SCRT1: variants seen among roughly 807,000 people sequenced by gnomAD.
SCRT1 encodes the protein transcriptional repressor scratch 1.
In SCRT1, 1 loss-of-function variant was observed where a neutral mutation model predicts 3.4. The observed-to-expected ratio is 0.29, with a 90% confidence interval of 0.10 to 1.39. The LOEUF (loss-of-function observed/expected upper bound fraction) is 1.39. Ranked by LOEUF, SCRT1 falls within the 40% of genes most tolerant of loss-of-function variation. The pLI, the probability that SCRT1 is intolerant of heterozygous loss-of-function variation, is 0.42. For synonymous variants in SCRT1, 238 were observed against 247.0 expected, an observed-to-expected ratio of 0.96 and a Z score of 0.34; for missense variants, 380 against 526.3, an observed-to-expected ratio of 0.72 and a Z score of 2.72.
rs1473149076 is a variant in SCRT1, at chr8:144,333,023, G to A, written c.*162C>T. 5.0e-6 allele frequency: 3 copies of A among 605,770 alleles called. No homozygotes were observed. Among genetic ancestry groups the A allele is most frequent in the Middle Eastern group, 4.5e-4 (1 of 2,214 alleles). 37.5% of individuals were successfully genotyped at this position (605,770 alleles called of 1,614,324 possible). ...GGGACCCTATTGCTTGAAGGGGCCGGCAAGGCCCCTGGCGGGCGGGGCGGG... is the reference window on the plus strand; with the variant it reads ...GGGACCCTATTGCTTGAAGGGGCCGACAAGGCCCCTGGCGGGCGGGGCGGG... On this transcript the variant is annotated 3_prime_UTR_variant, in exon 2 of 2. Coordinates refer to ENST00000569446, the MANE Select transcript of SCRT1 (RefSeq NM_031309.6).
rs1554849947 is a variant in SCRT1, at chr8:144,333,772, CGCCCCCGCCTCCGGCGTCGCCGTCGGGG to C, written c.432_459del (p.Pro145GlyfsTer53). The stretch of plus-strand genomic sequence containing the variant: ...GATCCCAAGCTGCGCCCGCCCGCCC[CGCCCCCGCCTCCGGCGTCGCCGTCGGGG>C]GCCGCCGCCGAGGCTGTGGAGGGAG... On this transcript the variant is annotated frameshift_variant, in exon 2 of 2. Coordinates refer to ENST00000569446, the MANE Select transcript of SCRT1 (RefSeq NM_031309.6). LOFTEE classifies it low-confidence loss of function (END_TRUNC). 1 of 1,193,746 alleles carries C rather than the reference CGCCCCCGCCTCCGGCGTCGCCGTCGGGG, an allele frequency of 8.4e-7. No individual in the cohort carries two copies. The highest frequency in any genetic ancestry group is 1.0e-6 in the Non-Finnish European group (1 of 964,306). The allele number at this position is 1,193,746 out of a possible 1,614,324, so 73.9% of individuals were successfully genotyped here. A position where few individuals can be genotyped will look rare whatever the true frequency, so the allele number is the denominator to read the frequency against.
Position 144,333,795 on chromosome 8 carries a change from T to G in SCRT1, c.437A>C (p.Asp146Ala). The G allele has an allele frequency of 8.3e-7, 1 of 1,209,988 alleles. No homozygotes were observed. Among genetic ancestry groups the G allele is most frequent in the Non-Finnish European group, 1.0e-6 (1 of 974,724 alleles). 75.0% of individuals were successfully genotyped at this position (1,209,988 alleles called of 1,614,324 possible). A position where few individuals can be genotyped will look rare whatever the true frequency, so the allele number is the denominator to read the frequency against. The change falls in exon 2 of 2, where the codon GAC (aspartate) becomes GCC (alanine). Residue 146 changes from aspartate to alanine, a missense_variant. By Grantham distance (126) the Asp-to-Ala change is moderately radical (BLOSUM62 -2). Transcript: ENST00000569446. Reference protein sequence around the residue: ...APSTASAAAPDGDAGGGGGAG... With the variant: ...APSTASAAAPAGDAGGGGGAG... ...CCCGCCCCCGCCTCCGGCGTCGCCGTCGGGGGCCGCCGCCGAGGCTGTGGA... is the reference window on the plus strand; with the variant it reads ...CCCGCCCCCGCCTCCGGCGTCGCCGGCGGGGGCCGCCGCCGAGGCTGTGGA...
rs1483764674 is a variant in SCRT1, at chr8:144,336,236, G to A, written c.-67C>T. 28 of 1,206,136 alleles carry A rather than the reference G, an allele frequency of 2.3e-5. No homozygotes were observed. The highest frequency in any genetic ancestry group is 2.8e-5 in the Non-Finnish European group (24 of 865,710). 74.7% of individuals were successfully genotyped at this position (1,206,136 alleles called of 1,614,324 possible). A position where few individuals can be genotyped will look rare whatever the true frequency, so the allele number is the denominator to read the frequency against. On this transcript the variant is annotated 5_prime_UTR_variant, in exon 1 of 2. Coordinates refer to ENST00000569446, the MANE Select transcript of SCRT1 (RefSeq NM_031309.6). This position sits in a 1 kb window ranked among gnomAD's most constrained non-coding sequence, Gnocchi z 6.8. ...GGCTTGGGGGGGCTGCGGCGGCAGG[G>A]CCCCGTCACCATCCGAGGAGCGGCG...
chr8:144,332,963 G>A lies in SCRT1; in HGVS notation c.*222C>T. On this transcript the variant is annotated 3_prime_UTR_variant, in exon 2 of 2. Transcript: ENST00000569446. ...GGGAGAAAGCCGGGGGCACCCTGGA[G>A]GGGAGGGGAGGGGGCTCGGGGTGGG... The A allele has an allele frequency of 2.0e-6, 1 of 497,638 alleles. No individual in the cohort carries two copies. The highest frequency in any genetic ancestry group is 3.5e-6 in the Non-Finnish European group (1 of 284,644). 30.8% of individuals were successfully genotyped at this position (497,638 alleles called of 1,614,324 possible). A position where few individuals can be genotyped will look rare whatever the true frequency, so the allele number is the denominator to read the frequency against.
rs781937372 is a variant in SCRT1 at position 144,333,828 on chromosome 8, G to A, written c.404C>T (p.Ala135Val). 8.1e-7 allele frequency: 1 copy of A among 1,230,640 alleles called. No homozygotes were observed. The allele number at this position is 1,230,640 out of a possible 1,614,324, so 76.2% of individuals were successfully genotyped here. A position where few individuals can be genotyped will look rare whatever the true frequency, so the allele number is the denominator to read the frequency against. ...CGCCGCCGAGGCTGTGGAGGGAGCG[G>A]CGGCAGCGCCGGCATTGGAAGCCTT... Reference protein sequence around the residue: ...RRKASNAGAAAAPSTASAAAP... With the variant: ...RRKASNAGAAVAPSTASAAAP... Residue 135 changes from alanine to valine, a missense_variant, in exon 2 of 2, where the codon GCC becomes GTC. This residue lies in a region of SCRT1 where 115 missense variants were observed against 107.3 expected (regional missense o/e 1.07). Transcript: ENST00000569446.
Position 144,333,464 on chromosome 8 carries a change from G to C in SCRT1, c.768C>G (p.Ala256=), listed in dbSNP as rs782411739. 6 of 1,602,832 alleles carry C rather than the reference G, an allele frequency of 3.7e-6. No individual in the cohort carries two copies. The highest frequency in any genetic ancestry group is 1.3e-5 in the African/African-American group (1 of 74,820). The change falls in exon 2 of 2, where the codon GCC becomes GCG. Residue 256 remains alanine, a synonymous_variant. Coordinates refer to ENST00000569446, the MANE Select transcript of SCRT1 (RefSeq NM_031309.6). ...LRHKCGVCGK[A]FSRPWLLQGH... ...CCTGCAGCAGCCAGGGCCGCGAGAAGGCTTTGCCGCACACGCCGCACTTGT... is the reference window on the plus strand; with the variant it reads ...CCTGCAGCAGCCAGGGCCGCGAGAACGCTTTGCCGCACACGCCGCACTTGT...
chr8:144,334,948 T>C (rs1817864789), intron 1 of SCRT1, among the ~76,000 whole-genome samples: 1 of 152,142 alleles, frequency 6.6e-6, no homozygotes. Flanking sequence ...GCGTCCACTT[T>C]CACAGGGACG....
Position 144,330,755 on chromosome 8 carries a change from G to A in SCRT1, c.*2430C>T, listed in dbSNP as rs1420092619. 6.0e-5 allele frequency: 9 copies of A among 151,118 alleles called. No homozygotes were observed. Among genetic ancestry groups the A allele is most frequent in the Non-Finnish European group, 8.9e-5 (6 of 67,588 alleles). 9.4% of individuals were successfully genotyped at this position (151,118 alleles called of 1,614,324 possible). On this transcript the variant is annotated 3_prime_UTR_variant, in exon 2 of 2. Transcript: ENST00000569446. ...TTCCGGGTGGGAATATGTACAAGGC[G>A]GCGGGGCACAGGCGGGGGTGGGGGC...
Position 144,335,937 on chromosome 8 carries a change from G to A in SCRT1, c.115+118C>T, listed in dbSNP as rs1371070880. On this transcript the variant is annotated intron_variant, in intron 1 of 1. Transcript: ENST00000569446. This position sits in a 1 kb window ranked among gnomAD's most constrained non-coding sequence, Gnocchi z 7.7. ...CAGGCTCCAGCCACAGACTCTTGCC[G>A]TTTCTGGTTCCCTTCAGTCTGTTTC... 2 of 681,612 alleles carry A rather than the reference G, an allele frequency of 2.9e-6. No homozygotes were observed. Among genetic ancestry groups the A allele is most frequent in the African/African-American group, 1.9e-5 (1 of 52,892 alleles). The allele number at this position is 681,612 out of a possible 1,614,324, so 42.2% of individuals were successfully genotyped here.
At position 144,331,516 on chromosome 8, in the gene SCRT1, CT is replaced by C. The variant is rs200664171; in HGVS notation, c.*1668del. On this transcript the variant is annotated 3_prime_UTR_variant, in exon 2 of 2. Coordinates refer to ENST00000569446, the MANE Select transcript of SCRT1 (RefSeq NM_031309.6). ...TGGCCCACCCAAGCCGGTTGGACCCCTGTCCTGCAAACACACCTCCCAGCAG... is the reference window on the plus strand; with the variant it reads ...TGGCCCACCCAAGCCGGTTGGACCCCGTCCTGCAAACACACCTCCCAGCAG... 1,164 of 152,608 alleles carry C rather than the reference CT, an allele frequency of 7.6e-3. 5 individuals carry two copies. Among genetic ancestry groups the C allele is most frequent in the Non-Finnish European group, 0.013 (875 of 68,210 alleles). 9.5% of individuals were successfully genotyped at this position (152,608 alleles called of 1,614,324 possible). A position where few individuals can be genotyped will look rare whatever the true frequency, so the allele number is the denominator to read the frequency against.
In SCRT1 at chr8:144,333,725, G is replaced by A. The variant is rs1817837683; in HGVS notation, c.507C>T (p.Gly169=). Residue 169 remains glycine, a synonymous_variant, in exon 2 of 2, where the codon GGC becomes GGT. Transcript: ENST00000569446. ...SLGSGPGGRG[G]TRAGAGTEAR... Reference sequence around the variant, plus strand: ...CCTCGGTGCCTGCCCCCGCGCGCGTGCCGCCCCGGCCCCCCGGCCCGGATC... The same window carrying A: ...CCTCGGTGCCTGCCCCCGCGCGCGTACCGCCCCGGCCCCCCGGCCCGGATC... 2 of 1,095,634 alleles carry A rather than the reference G, an allele frequency of 1.8e-6. No homozygotes were observed. Among genetic ancestry groups the A allele is most frequent in the Middle Eastern group, 4.0e-4 (1 of 2,518 alleles). 67.9% of individuals were successfully genotyped at this position (1,095,634 alleles called of 1,614,324 possible).
In SCRT1 at chr8:144,335,951, T is replaced by C; in HGVS notation, c.115+104A>G. The C allele has an allele frequency of 7.9e-6, 6 of 760,758 alleles. No individual in the cohort carries two copies. The South Asian group carries it at 1.2e-4, about 15-fold the overall frequency. The allele number at this position is 760,758 out of a possible 1,614,324, so 47.1% of individuals were successfully genotyped here. Reference sequence around the variant, plus strand: ...AGACTCTTGCCGTTTCTGGTTCCCTTCAGTCTGTTTCCCCGGGCCCTGCCC... The same window carrying C: ...AGACTCTTGCCGTTTCTGGTTCCCTCCAGTCTGTTTCCCCGGGCCCTGCCC... On this transcript the variant is annotated intron_variant, in intron 1 of 1. Coordinates refer to ENST00000569446, the MANE Select transcript of SCRT1 (RefSeq NM_031309.6). The surrounding 1 kb of genome is among the most constrained non-coding windows in gnomAD (Gnocchi z 7.7).
At chr8:144,334,958 G>A (rs142673121) in intron 1 of SCRT1, among the ~76,000 whole-genome samples, 2,756 of 152,252 alleles carry the variant, frequency 0.018, 105 homozygotes, top group African/African-American at 0.063. Context: ...TCACAGGGAC[G>A]AGCTGCAGGA....
rs1564638714 is a variant in SCRT1 at position 144,334,091 on chromosome 8, G to A, written c.141C>T (p.Pro47=). 3.9e-6 allele frequency: 6 copies of A among 1,537,016 alleles called. No homozygotes were observed. The highest frequency in any genetic ancestry group is 5.2e-6 in the Non-Finnish European group (6 of 1,144,398). ...DKGYLSDYVG[P]SSVYDGDAEA... ...CGGCGTCGCCATCGTAGACGGACGA[G>A]GGCCCCACGTAGTCGCTGAGGTACC... Residue 47 remains proline, a synonymous_variant, in exon 2 of 2, where the codon CCC becomes CCT. Coordinates refer to ENST00000569446, the MANE Select transcript of SCRT1 (RefSeq NM_031309.6).
At position 144,332,784 on chromosome 8, in the gene SCRT1, T is replaced by G; in HGVS notation, c.*401A>C. The G allele has an allele frequency of 6.0e-6, 1 of 166,004 alleles. No homozygotes were observed. The highest frequency in any genetic ancestry group is 1.3e-5 in the Non-Finnish European group (1 of 77,420). 10.3% of individuals were successfully genotyped at this position (166,004 alleles called of 1,614,324 possible). On this transcript the variant is annotated 3_prime_UTR_variant, in exon 2 of 2. Transcript: ENST00000569446. ...GGCCGCAGGCCCTGCGCTAGAAGGC[T>G]TGGGAAGGGGTGGGGAAGACCTGAG...
rs1255100011 is a variant in SCRT1 at position 144,334,010 on chromosome 8, A to C, written c.222T>G (p.Arg74=). ...CTGCAGCCGCCGGACCCAGCTCTCC[A>C]CGCACAGCTGCTGCGTACATGGGCT... is the stretch of plus-strand genomic sequence containing the variant. ...SPEPMYAAAV[R]GELGPAAAGS... The change falls in exon 2 of 2, where the codon CGT becomes CGG. Residue 74 remains arginine (R), a synonymous_variant. Transcript: ENST00000569446. 4.0e-6 allele frequency: 6 copies of C among 1,485,360 alleles called. No homozygotes were observed. In the African/African-American group the frequency reaches 8.7e-5, roughly 22 times the overall value. The allele number at this position is 1,485,360 out of a possible 1,614,324, so 92.0% of individuals were successfully genotyped here.
Position 144,333,087 on chromosome 8 carries a change from G to A in SCRT1, c.*98C>T. ...CCCCTCCCCCTATTGCTGTGAGGAG[G>A]GGCCCGCCCTCCGGCCCCTCCACCC... On this transcript the variant is annotated 3_prime_UTR_variant, in exon 2 of 2. Transcript: ENST00000569446. 9.2e-7 allele frequency: 1 copy of A among 1,083,190 alleles called. No individual in the cohort carries two copies. Among genetic ancestry groups the A allele is most frequent in the Non-Finnish European group, 1.3e-6 (1 of 783,850 alleles). 67.1% of individuals were successfully genotyped at this position (1,083,190 alleles called of 1,614,324 possible). A position where few individuals can be genotyped will look rare whatever the true frequency, so the allele number is the denominator to read the frequency against.
Position 144,333,244 on chromosome 8 carries a change from C to G in SCRT1, c.988G>C (p.Gly330Arg), listed in dbSNP as rs1007631422. Residue 330 changes from glycine to arginine, a missense_variant, in exon 2 of 2, where the codon GGC becomes CGC. By Grantham distance (125) the Gly-to-Arg change is moderately radical. This residue lies in a region of SCRT1 where 67 missense variants were observed against 64.7 expected (regional missense o/e 1.04). Coordinates refer to ENST00000569446, the MANE Select transcript of SCRT1 (RefSeq NM_031309.6). ...GGAGCCGCGGGGCCTCCGGCGCCGCCCTTGAAGCAGGCCGACTCGTAGTGC... is the reference window on the plus strand; with the variant it reads ...GGAGCCGCGGGGCCTCCGGCGCCGCGCTTGAAGCAGGCCGACTCGTAGTGC... ...NKHYESACFKGGAGGPAAPAP... is the reference protein window; with the variant it reads ...NKHYESACFKRGAGGPAAPAP... 1 of 1,607,168 alleles carries G rather than the reference C, an allele frequency of 6.2e-7. No homozygotes were observed. Among genetic ancestry groups the G allele is most frequent in the African/African-American group, 1.3e-5 (1 of 74,892 alleles).
At position 144,332,823 on chromosome 8, in the gene SCRT1, A is replaced by C; in HGVS notation, c.*362T>G. 4.8e-6 allele frequency: 1 copy of C among 209,758 alleles called. No individual in the cohort carries two copies. The highest frequency in any genetic ancestry group is 9.5e-6 in the Non-Finnish European group (1 of 105,504). The allele number at this position is 209,758 out of a possible 1,614,324, so 13.0% of individuals were successfully genotyped here. A position where few individuals can be genotyped will look rare whatever the true frequency, so the allele number is the denominator to read the frequency against. The stretch of plus-strand genomic sequence containing the variant: ...GGAAGACCTGAGTCCCTGCGACGCG[A>C]TCCAGGGGCGCAGAGGCGGGAGAAG... On this transcript the variant is annotated 3_prime_UTR_variant, in exon 2 of 2. Coordinates refer to ENST00000569446, the MANE Select transcript of SCRT1 (RefSeq NM_031309.6).
Sources: allele counts gnomAD v4.1 joint callset (sites outside exome capture counted in the v4.1 genomes callset), GRCh38; gene constraint gnomAD v4.1.1; regional missense constraint gnomAD v4.1.1; non-coding constraint Gnocchi (gnomAD v3.1); transcripts MANE v1.5; gene names NCBI Gene and HGNC (gene_info 2026-07-23, HGNC 2026-07-21).